The following AKAP13 variants were observed in gnomAD, a reference collection of about 807,000 sequenced individuals.
AKAP13 encodes A-kinase anchoring protein 13.
AKAP13 carries 80 observed loss-of-function variants against 264.5 expected under a neutral mutation model. The observed-to-expected ratio is 0.30, with a 90% CI of 0.25 to 0.36. The LOEUF (loss-of-function observed/expected upper bound fraction) is 0.36. Ranked by LOEUF, AKAP13 falls within the 10% of genes least tolerant of loss-of-function variation. AKAP13 has a pLI of 1.00. For synonymous variants in AKAP13, 1,380 were observed against 1,250.2 expected, an observed-to-expected ratio of 1.10 and a Z score of -2.19; for missense variants, 3,712 against 3,435.2, an observed-to-expected ratio of 1.08 and a Z score of -2.01.
intron 3 of AKAP13, among the ~76,000 whole-genome samples, chr15:85,530,201 G>C (rs529445372): frequency 1.2e-4 from 19 of 152,112 alleles, no homozygotes; most frequent in Non-Finnish European, 2.4e-4. Context: ...GCGTTGTTCT[G>C]TTTCTCTCCC....
chr15:85,598,890 C>T (rs1011165054), intron 8 of AKAP13, among the ~76,000 whole-genome samples: 2 of 152,174 alleles, frequency 1.3e-5, no homozygotes, highest in Non-Finnish European at 2.9e-5. Context: ...GACAGCATTG[C>T]TTGCCTTAAA....
chr15:85,566,290 G>A (rs1200496000), intron 5 of AKAP13, among the ~76,000 whole-genome samples: 5 of 152,204 alleles, frequency 3.3e-5, no homozygotes, highest in African/African-American at 1.2e-4. Context: ...ACAAGTAATA[G>A]CATCTTAATT....
chr15:85,649,300 T>C (rs2082696641), intron 10 of AKAP13, among the ~76,000 whole-genome samples: 1 of 152,150 alleles, frequency 6.6e-6, no homozygotes, highest in Non-Finnish European at 1.5e-5. Context: ...CTAAAATCTG[T>C]TCATTTTTTA....
At chr15:85,637,143 A>G (rs2082102000) in intron 8 of AKAP13, among the ~76,000 whole-genome samples, 2 of 152,200 alleles carry the variant, frequency 1.3e-5, no homozygotes, top group African/African-American at 2.4e-5. Context: ...TTTTGATTTC[A>G]GAGTAATGCT....
intron 5 of AKAP13, among the ~76,000 whole-genome samples, chr15:85,546,452 A>C (rs1187125220): frequency 1.3e-5 from 2 of 152,174 alleles, no homozygotes; most frequent in African/African-American, 4.8e-5. Context: ...TAAAAAGAAA[A>C]GATCATCTTT....
In AKAP13 at chr15:85,708,741, CA is replaced by C. The variant is rs1329027235; in HGVS notation, c.5532+656del. Among the ~76,000 whole-genome samples, 10 of 152,278 alleles carry C rather than the reference CA, an allele frequency of 6.6e-5. No individual in the cohort carries two copies. The East Asian group carries it at 1.3e-3, about 21-fold the overall frequency. On this transcript the variant is annotated intron_variant, in intron 18 of 36. Transcript: ENST00000394518. The surrounding 1 kb of genome is among the most constrained non-coding windows in gnomAD (Gnocchi z 4.3). Reference sequence around the variant, plus strand: ...TTCTAGTCGCCTGTAAGTGTCTCTTCATTCCTTGTCAAAGGAGTGCTTTCCA... The same window carrying C: ...TTCTAGTCGCCTGTAAGTGTCTCTTCTTCCTTGTCAAAGGAGTGCTTTCCA...
chr15:85,646,369 G>T (rs533585625), intron 10 of AKAP13, among the ~76,000 whole-genome samples: 2 of 152,306 alleles, frequency 1.3e-5, no homozygotes, highest in East Asian at 3.9e-4. Context: ...GGAGGTTGCA[G>T]TGAGTCAAGT....
At position 85,655,676 on chromosome 15, in the gene AKAP13, C is replaced by T; in HGVS notation, c.4634C>T (p.Pro1545Leu). 6.2e-7 allele frequency: 1 copy of T among 1,614,188 alleles called. No homozygotes were observed. The highest frequency in any genetic ancestry group is 8.5e-7 in the Non-Finnish European group (1 of 1,180,032). The change falls in exon 11 of 37, where the codon CCT becomes CTT. Residue 1545 changes from proline (P) to leucine (L), a missense_variant. By Grantham distance (98) the Pro-to-Leu change is moderately conservative. Coordinates refer to ENST00000394518, the MANE Select transcript of AKAP13 (RefSeq NM_007200.5). Reference sequence around the variant, plus strand: ...GAGATGGACAGTATCACTGAAGTGCCTGCAAACTGCTCTGTCCTAAGGAGC... The same window carrying T: ...GAGATGGACAGTATCACTGAAGTGCTTGCAAACTGCTCTGTCCTAAGGAGC... ...EEEMDSITEV[P>L]ANCSVLRSSM...
At chr15:85,704,568 G>A (rs1341492955) in intron 17 of AKAP13, among the ~76,000 whole-genome samples, 1 of 152,156 alleles carries the variant, frequency 6.6e-6, no homozygotes. Context: ...TTGAAGGCTG[G>A]ACTGTTTGTT....
chr15:85,582,431 A>C (rs896876805), intron 7 of AKAP13, among the ~76,000 whole-genome samples: 1 of 152,208 alleles, frequency 6.6e-6, no homozygotes, highest in Non-Finnish European at 1.5e-5. Flanking sequence ...AGAATTTAGC[A>C]GATGTTTTTA....
chr15:85,611,333 TCAC>T (rs2080612058), intron 8 of AKAP13, among the ~76,000 whole-genome samples: 1 of 152,176 alleles, frequency 6.6e-6, no homozygotes, highest in African/African-American at 2.4e-5. Context: ...TGTCTCAGAT[TCAC>T]TGTGTCTAAA....
In AKAP13 at chr15:85,723,237, T is replaced by C. The variant is rs986122306; in HGVS notation, c.6662T>C (p.Met2221Thr). Reference sequence around the variant, plus strand: ...ATCATGAGGATGAAGAGTGGTCAGATGTTTGCCAAGGAAGATTTGAAACGG... The same window carrying C: ...ATCATGAGGATGAAGAGTGGTCAGACGTTTGCCAAGGAAGATTTGAAACGG... ...KSIMRMKSGQ[M>T]FAKEDLKRKK... The change falls in exon 26 of 37, where the codon ATG becomes ACG. Residue 2221 changes from methionine to threonine, a missense_variant. By Grantham distance (81) the Met-to-Thr change is moderately conservative. Coordinates refer to ENST00000394518, the MANE Select transcript of AKAP13 (RefSeq NM_007200.5). 6.2e-7 allele frequency: 1 copy of C among 1,614,190 alleles called. No homozygotes were observed. Among genetic ancestry groups the C allele is most frequent in the Non-Finnish European group, 8.5e-7 (1 of 1,180,004 alleles).
At chr15:85,631,829 A>G (rs1203539379) in intron 8 of AKAP13, among the ~76,000 whole-genome samples, 2 of 152,192 alleles carry the variant, frequency 1.3e-5, no homozygotes, top group Non-Finnish European at 2.9e-5. Flanking sequence ...ATCAGCCTGA[A>G]GTTGTTACAA....
intron 1 of AKAP13, among the ~76,000 whole-genome samples, chr15:85,442,910 T>C (rs948603443): frequency 7.2e-5 from 11 of 152,100 alleles, no homozygotes; most frequent in Non-Finnish European, 1.3e-4. Flanking sequence ...CCCAGAAAGC[T>C]CTGTGAAGCA....
chr15:85,425,478 G>A (rs540782600), intron 1 of AKAP13, among the ~76,000 whole-genome samples: 2 of 152,190 alleles, frequency 1.3e-5, no homozygotes, highest in East Asian at 3.9e-4. Flanking sequence ...CACTTTGGGA[G>A]GCCAAGGTGG....
chr15:85,687,026 G>T (rs1396552469), intron 16 of AKAP13, among the ~76,000 whole-genome samples: 1 of 152,132 alleles, frequency 6.6e-6, no homozygotes, highest in Non-Finnish European at 1.5e-5. Flanking sequence ...CCAATGTCAT[G>T]GAGTTTTAGG....
chr15:85,455,709 T>C (rs1596237082), intron 1 of AKAP13, among the ~76,000 whole-genome samples: 1 of 152,222 alleles, frequency 6.6e-6, no homozygotes, highest in South Asian at 2.1e-4. Flanking sequence ...GCTGAGCTTT[T>C]AGATTATTGC....
intron 9 of AKAP13, among the ~76,000 whole-genome samples, chr15:85,639,822 T>C (rs566668725): frequency 3.5e-4 from 53 of 152,334 alleles, no homozygotes; most frequent in Non-Finnish European, 6.5e-4. Context: ...TTTAAAAATA[T>C]ACTGATGCCT....
Position 85,729,002 on chromosome 15 carries a change from T to C in AKAP13, c.7088-1511T>C, listed in dbSNP as rs147421933. On this transcript the variant is annotated intron_variant, in intron 29 of 36. Transcript: ENST00000394518. ...GGAAGAGATGTAAGAAATAAGGTCA[T>C]TAAAATCTGATCAGTTGGCCAGGCT... Among the ~76,000 whole-genome samples, 126 of 152,052 alleles carry C rather than the reference T, an allele frequency of 8.3e-4. No homozygotes were observed. The South Asian group carries it at 0.012, about 15-fold the overall frequency.
Sources: allele counts gnomAD v4.1 joint callset (sites outside exome capture counted in the v4.1 genomes callset), GRCh38; gene constraint gnomAD v4.1.1; non-coding constraint Gnocchi (gnomAD v3.1); transcripts MANE v1.5; gene names NCBI Gene and HGNC (gene_info 2026-07-23, HGNC 2026-07-21).